PXDN: variants seen among roughly 807,000 people sequenced by gnomAD.
PXDN encodes the protein peroxidasin, also known as peroxidasin homolog.
PXDN carries 77 observed loss-of-function variants against 140.3 expected under a neutral mutation model. That is an observed-to-expected ratio of 0.55 (90% confidence interval 0.46 to 0.66). PXDN has a LOEUF of 0.66. Ranked by LOEUF, PXDN falls within the 30% of genes least tolerant of loss-of-function variation. PXDN has a pLI of 0.00. For synonymous variants in PXDN, 911 were observed against 857.4 expected, an observed-to-expected ratio of 1.06 and a Z score of -1.09; for missense variants, 1,838 against 2,039.5, an observed-to-expected ratio of 0.90 and a Z score of 1.90.
rs77559590 is a variant in PXDN, at chr2:1,706,716, G to T, written c.201-13582C>A. Among the ~76,000 whole-genome samples the T allele has an allele frequency of 5.0e-3, 288 of 57,942 alleles. 71 individuals are homozygous for T. The highest frequency in any genetic ancestry group is 0.027 in the African/African-American group (238 of 8,792). The allele number at this position is 57,942 out of a possible 152,430, so 38.0% of individuals were successfully genotyped here. On this transcript the variant is annotated intron_variant, in intron 1 of 22. Transcript: ENST00000252804. ...TAATAATACAACCTGAGAGCACGCT[G>T]CAGTGTTCACCAATCAGCTCTAAGC... is the stretch of plus-strand genomic sequence containing the variant.
Position 1,724,788 on chromosome 2 carries a change from A to G in PXDN, c.200+19468T>C, listed in dbSNP as rs922458495. On this transcript the variant is annotated intron_variant, in intron 1 of 22. Coordinates refer to ENST00000252804, the MANE Select transcript of PXDN (RefSeq NM_012293.3). ...TTTGTAATATAATTTGAAATCAGGA[A>G]GTGTAATGCCTCATATTTTGTTCTC... 4.6e-5 allele frequency among the ~76,000 whole-genome samples: 7 copies of G among 152,318 alleles called. 1 individual carries two copies. Among genetic ancestry groups the G allele is most frequent in the Admixed American group, 4.6e-4 (7 of 15,304 alleles).
chr2:1,691,808 T>G, intron 3 of PXDN, 120 bp downstream of exon 3: 1 of 655,952 alleles, frequency 1.5e-6, no homozygotes, highest in Non-Finnish European at 2.5e-6. Flanking sequence ...CTTCTCAAAA[T>G]AAAACCTCAT....
rs182768346 is a variant in PXDN, at chr2:1,660,262, G to A, written c.1837+619C>T. Among the ~76,000 whole-genome samples, 10 of 152,222 alleles carry A rather than the reference G, an allele frequency of 6.6e-5. No homozygotes were observed. Among genetic ancestry groups the A allele is most frequent in the African/African-American group, 1.4e-4 (6 of 41,546 alleles). On this transcript the variant is annotated intron_variant, in intron 14 of 22. Transcript: ENST00000252804. The surrounding 1 kb of genome is among the most constrained non-coding windows in gnomAD (Gnocchi z 4.6). Reference sequence around the variant, plus strand: ...TGAGAAAGAGGGGCCAGAGTGACCCGGGCCTCTGTTACAAGAACCCGGACA... The same window carrying A: ...TGAGAAAGAGGGGCCAGAGTGACCCAGGCCTCTGTTACAAGAACCCGGACA...
chr2:1,634,011 C>CT lies in PXDN; in HGVS notation c.*192dup. 1.4e-6 allele frequency: 1 copy of CT among 704,142 alleles called. No individual in the cohort carries two copies. The allele number at this position is 704,142 out of a possible 1,614,324, so 43.6% of individuals were successfully genotyped here. A position where few individuals can be genotyped will look rare whatever the true frequency, so the allele number is the denominator to read the frequency against. ...CTGCCTGCTTCCCTTCAGGCACCTG[C>CT]TGTGCCTCCTTCTCCGCAGATGCTC... is the stretch of plus-strand genomic sequence containing the variant. On this transcript the variant is annotated 3_prime_UTR_variant, in exon 23 of 23. Transcript: ENST00000252804.
chr2:1,695,450 C>A (rs1684280811), intron 1 of PXDN, among the ~76,000 whole-genome samples: 1 of 112,832 alleles, frequency 8.9e-6, no homozygotes, highest in African/African-American at 3.5e-5. Flanking sequence ...CAGAGAGGTG[C>A]TGTCCCATCC....
At chr2:1,653,310 T>G in intron 16 of PXDN, 1 of 380,576 alleles carries the variant, frequency 2.6e-6, no homozygotes. Context: ...TTATGGCTCA[T>G]TTGTTGCAGA....
chr2:1,719,146 C>T (rs1402369044), intron 1 of PXDN, among the ~76,000 whole-genome samples: 2 of 152,212 alleles, frequency 1.3e-5, no homozygotes, highest in African/African-American at 2.4e-5. Flanking sequence ...CCATGCCTCC[C>T]ACCTGAGTTA....
chr2:1,709,262 C>T (rs1429330800), intron 1 of PXDN, among the ~76,000 whole-genome samples: 2 of 152,140 alleles, frequency 1.3e-5, no homozygotes, highest in Non-Finnish European at 2.9e-5. Flanking sequence ...AGCAGGTGAC[C>T]ACGGCGCTCG....
chr2:1,634,084 G>A lies in PXDN; in HGVS notation c.*120C>T, dbSNP rs1682482471. ...CCTTCTGTAACAGCACCAGCTGGAC[G>A]TTGTCATGAAATGTCACGAGTTCTG... On this transcript the variant is annotated 3_prime_UTR_variant, in exon 23 of 23. Transcript: ENST00000252804. 13 of 1,415,286 alleles carry A rather than the reference G, an allele frequency of 9.2e-6. No homozygotes were observed. The Admixed American group carries it at 1.1e-4, about 12-fold the overall frequency. 87.7% of individuals were successfully genotyped at this position (1,415,286 alleles called of 1,614,324 possible).
rs1050736518 is a variant in PXDN, at chr2:1,660,792, C to A, written c.1837+89G>T. The stretch of plus-strand genomic sequence containing the variant: ...TGTCTTCTGAATAATTCTGAACAGC[C>A]TAAGTCAACTGGCCTGGGACCACAC... On this transcript the variant is annotated intron_variant, in intron 14 of 22. Transcript: ENST00000252804. The surrounding 1 kb of genome is among the most constrained non-coding windows in gnomAD (Gnocchi z 4.6). The A allele has an allele frequency of 2.7e-6, 4 of 1,474,782 alleles. No individual in the cohort carries two copies. In the Admixed American group the frequency reaches 8.2e-5, roughly 30 times the overall value. The allele number at this position is 1,474,782 out of a possible 1,614,324, so 91.4% of individuals were successfully genotyped here.
In PXDN at chr2:1,633,310, G is replaced by C. The variant is rs371594409; in HGVS notation, c.*894C>G. 6.6e-6 allele frequency: 1 copy of C among 151,932 alleles called. No individual in the cohort carries two copies. Among genetic ancestry groups the C allele is most frequent in the East Asian group, 2.0e-4 (1 of 5,124 alleles). 9.4% of individuals were successfully genotyped at this position (151,932 alleles called of 1,614,324 possible). A position where few individuals can be genotyped will look rare whatever the true frequency, so the allele number is the denominator to read the frequency against. On this transcript the variant is annotated 3_prime_UTR_variant, in exon 23 of 23. Coordinates refer to ENST00000252804, the MANE Select transcript of PXDN (RefSeq NM_012293.3). ...GCAACCAGGGCCGGCTGGGAGCGGC[G>C]TTGTCAACACACACCCTTGGCCCTC...
intron 5 of PXDN, 26 bp from the exon 6 acceptor site, chr2:1,683,753 C>A (rs779461603): frequency 2.0e-6 from 3 of 1,531,968 alleles, no homozygotes; most frequent in Non-Finnish European, 2.7e-6. Flanking sequence ...TTATAACAAA[C>A]CAATTTTGAA....
In PXDN at chr2:1,653,749, G is replaced by A. The variant is rs1225160388; in HGVS notation, c.1983C>T (p.Phe661=). 5.7e-6 allele frequency: 9 copies of A among 1,590,782 alleles called. No individual in the cohort carries two copies. The South Asian group carries it at 8.0e-5, about 14-fold the overall frequency. Residue 661 remains phenylalanine, a synonymous_variant, in exon 16 of 23, where the codon TTC becomes TTT. Transcript: ENST00000252804. ...PRSPNDLLAL[F]RYPRDPYTVE... ...CTGTGTAAGGATCCCTCGGATACCG[G>A]AACAAGGCCAGCAAATCATTTGGAG... is the stretch of plus-strand genomic sequence containing the variant.
intron 14 of PXDN, among the ~76,000 whole-genome samples, chr2:1,655,151 CACACCACACAT>C (rs1683100440): frequency 6.8e-6 from 1 of 146,624 alleles, no homozygotes; most frequent in African/African-American, 2.5e-5. Context: ...CACACAGATC[CACACCACACAT>C]GCACCACACA....
At chr2:1,740,312 C>G (rs1685511798) in intron 1 of PXDN, among the ~76,000 whole-genome samples, 1 of 152,152 alleles carries the variant, frequency 6.6e-6, no homozygotes, top group African/African-American at 2.4e-5. Flanking sequence ...AGGTCCTCTC[C>G]GAAAGGCAGC....
At chr2:1,697,706 C>T (rs1424799593) in intron 1 of PXDN, among the ~76,000 whole-genome samples, 4 of 152,158 alleles carry the variant, frequency 2.6e-5, no homozygotes, top group African/African-American at 4.8e-5. Flanking sequence ...GCTCCCACCC[C>T]GTCCTCCTGC....
At chr2:1,692,678 T>G (rs187117655) in intron 2 of PXDN, 2 of 461,062 alleles carry the variant, frequency 4.3e-6, no homozygotes, top group Non-Finnish European at 8.9e-6. Context: ...CTCACTTAAG[T>G]CCACTCCACA....
rs528644142 is a variant in PXDN, at chr2:1,686,853, C to T, written c.416+779G>A. On this transcript the variant is annotated intron_variant, in intron 4 of 22. Transcript: ENST00000252804. Reference sequence around the variant, plus strand: ...CCAGTGAGCCAGTGACCCGTGACCACGGATCAGCAGCTGTGGCAGGAGGAC... The same window carrying T: ...CCAGTGAGCCAGTGACCCGTGACCATGGATCAGCAGCTGTGGCAGGAGGAC... Among the ~76,000 whole-genome samples the T allele has an allele frequency of 3.9e-5, 6 of 152,322 alleles. No homozygotes were observed. In the East Asian group the frequency reaches 7.7e-4, roughly 20 times the overall value.
At position 1,733,946 on chromosome 2, in the gene PXDN, A is replaced by G. The variant is rs1685373648; in HGVS notation, c.200+10310T>C. 2.0e-5 allele frequency among the ~76,000 whole-genome samples: 3 copies of G among 152,194 alleles called. No homozygotes were observed. In the South Asian group the frequency reaches 6.2e-4, roughly 32 times the overall value. ...CTTGAAGTAAAAGGACTGAAATATG[A>G]ACCTACGCAGAGGAATAAGCAGCAC... On this transcript the variant is annotated intron_variant, in intron 1 of 22. Transcript: ENST00000252804.
Sources: allele counts gnomAD v4.1 joint callset (sites outside exome capture counted in the v4.1 genomes callset), GRCh38; gene constraint gnomAD v4.1.1; non-coding constraint Gnocchi (gnomAD v3.1); transcripts MANE v1.5; gene names NCBI Gene and HGNC (gene_info 2026-07-23, HGNC 2026-07-21).